The following DNAJB5 variants were observed in gnomAD, a reference collection of about 807,000 sequenced individuals.
DNAJB5 encodes the protein DnaJ heat shock protein family (Hsp40) member B5, also known as dnaJ homolog subfamily B member 5.
DNAJB5 carries 12 observed loss-of-function variants against 32.6 expected under a neutral mutation model. The observed-to-expected ratio is 0.37, with a 90% confidence interval of 0.24 to 0.60. DNAJB5 has a LOEUF of 0.60. DNAJB5 is among the 20% of genes least tolerant of loss of function. DNAJB5 has a pLI of 0.71. For missense variants in DNAJB5, 358 were observed against 554.2 expected, an observed-to-expected ratio of 0.65 and a Z score of 3.55; for synonymous variants, 188 against 212.9, an observed-to-expected ratio of 0.88 and a Z score of 1.02.
chr9:34,991,293 G>T, intron 2 of DNAJB5: 1 of 456,598 alleles, frequency 2.2e-6, no homozygotes, highest in Non-Finnish European at 4.4e-6. Flanking sequence ...CCAACACGTG[G>T]CCTGTGGGTA....
Position 34,997,029 on chromosome 9 carries a change from C to T in DNAJB5, c.1033C>T (p.Leu345=). The change falls in exon 5 of 5, where the codon CTG becomes TTG. Residue 345 remains leucine, a synonymous_variant. Coordinates refer to ENST00000682809, the MANE Select transcript of DNAJB5 (RefSeq NM_001349723.3). This position sits in a 1 kb window ranked among gnomAD's most constrained non-coding sequence, Gnocchi z 4.1. ...CTTTCTGCTTCGTCTTTCCCAGGCGCTGTGTGGCTGCACTGTGAACATTCC... is the reference window on the plus strand; with the variant it reads ...CTTTCTGCTTCGTCTTTCCCAGGCGTTGTGTGGCTGCACTGTGAACATTCC... The part of the protein sequence containing the change: ...YSALISLKEA[L]CGCTVNIPTI... 6.2e-7 allele frequency: 1 copy of T among 1,612,760 alleles called. No homozygotes were observed. Among genetic ancestry groups the T allele is most frequent in the Non-Finnish European group, 8.5e-7 (1 of 1,180,012 alleles).
chr9:34,997,317 T>G lies in DNAJB5; in HGVS notation c.*58T>G. 1 of 1,531,800 alleles carries G rather than the reference T, an allele frequency of 6.5e-7. No homozygotes were observed. The highest frequency in any genetic ancestry group is 9.0e-7 in the Non-Finnish European group (1 of 1,105,858). 94.9% of individuals were successfully genotyped at this position (1,531,800 alleles called of 1,614,324 possible). A position where few individuals can be genotyped will look rare whatever the true frequency, so the allele number is the denominator to read the frequency against. ...GCAATACCCCCAACACTCACTCCAC[T>G]CAATGTGCACCCAGCTTGATGTCCA... On this transcript the variant is annotated 3_prime_UTR_variant, in exon 5 of 5. Coordinates refer to ENST00000682809, the MANE Select transcript of DNAJB5 (RefSeq NM_001349723.3). The surrounding 1 kb of genome is among the most constrained non-coding windows in gnomAD (Gnocchi z 4.1).
rs759870414 is a variant in DNAJB5, at chr9:34,993,163, G to A, written c.183-37G>A. The A allele has an allele frequency of 5.7e-6, 9 of 1,586,310 alleles. No homozygotes were observed. In the African/African-American group the frequency reaches 9.5e-5, roughly 17 times the overall value. On this transcript the variant is annotated intron_variant, in intron 2 of 4. Transcript: ENST00000682809. This position sits in a 1 kb window ranked among gnomAD's most constrained non-coding sequence, Gnocchi z 4.7. ...CATCAGGAACAGGGCTGGGGCAGAA[G>A]AGAAGGCATCAAGTCTTGGCCCTGG...
chr9:34,993,273 G>A lies in DNAJB5; in HGVS notation c.256G>A (p.Gly86Arg). ...TTACAAGATTCTTGGGATCCCATCG[G>A]GGGCCAACGAGGATGAGATCAAGAA... The part of the protein sequence containing the change: ...DYYKILGIPS[G>R]ANEDEIKKAY... Residue 86 changes from glycine (G) to arginine (R), a missense_variant, in exon 3 of 5, where the codon GGG becomes AGG. Around this residue, in one of 2 missense-constraint regions of DNAJB5, gnomAD observed 110 missense variants for 111.7 expected, o/e 0.99. Transcript: ENST00000682809. This position sits in a 1 kb window ranked among gnomAD's most constrained non-coding sequence, Gnocchi z 4.7. 6.2e-7 allele frequency: 1 copy of A among 1,614,126 alleles called. No individual in the cohort carries two copies. The highest frequency in any genetic ancestry group is 8.5e-7 in the Non-Finnish European group (1 of 1,180,016).
chr9:34,996,138 C>T lies in DNAJB5; in HGVS notation c.428-127C>T, dbSNP rs954483399. 7 of 1,278,244 alleles carry T rather than the reference C, an allele frequency of 5.5e-6. No individual in the cohort carries two copies. The highest frequency in any genetic ancestry group is 5.6e-5 in the Admixed American group (2 of 36,018). The allele number at this position is 1,278,244 out of a possible 1,614,324, so 79.2% of individuals were successfully genotyped here. On this transcript the variant is annotated intron_variant, in intron 3 of 4. Coordinates refer to ENST00000682809, the MANE Select transcript of DNAJB5 (RefSeq NM_001349723.3). The surrounding 1 kb of genome is among the most constrained non-coding windows in gnomAD (Gnocchi z 7.2). The stretch of plus-strand genomic sequence containing the variant: ...CCTTTCTTACTCTATTAGCCTGGCC[C>T]TCTCTGTGGGATTTAAAGGTTGCTT...
chr9:34,992,709 G>A (rs1003457510), intron 2 of DNAJB5: 14 of 873,364 alleles, frequency 1.6e-5, no homozygotes, highest in Middle Eastern at 5.9e-4. Flanking sequence ...GACAGCTGGC[G>A]GAAGACCCAG....
At position 34,997,299 on chromosome 9, in the gene DNAJB5, C is replaced by T. The variant is rs1430383682; in HGVS notation, c.*40C>T. 1 of 1,579,308 alleles carries T rather than the reference C, an allele frequency of 6.3e-7. No homozygotes were observed. The highest frequency in any genetic ancestry group is 2.2e-5 in the East Asian group (1 of 44,708). On this transcript the variant is annotated 3_prime_UTR_variant, in exon 5 of 5. Transcript: ENST00000682809. This position sits in a 1 kb window ranked among gnomAD's most constrained non-coding sequence, Gnocchi z 4.1. ...AGTCCAGAGCCTACCACAGCAATAC[C>T]CCCAACACTCACTCCACTCAATGTG... is the stretch of plus-strand genomic sequence containing the variant.
At position 34,997,492 on chromosome 9, in the gene DNAJB5, A is replaced by G. The variant is rs1405159519; in HGVS notation, c.*233A>G. ...TAGCCCAGGCCAGGGGTCAATGTTC[A>G]TGTCACTAGCTTTCAATCCAGTTTC... On this transcript the variant is annotated 3_prime_UTR_variant, in exon 5 of 5. Transcript: ENST00000682809. The surrounding 1 kb of genome is among the most constrained non-coding windows in gnomAD (Gnocchi z 4.1). 5 of 661,336 alleles carry G rather than the reference A, an allele frequency of 7.6e-6. 1 individual carries two copies. In the South Asian group the frequency reaches 7.8e-5, roughly 10 times the overall value. 41.0% of individuals were successfully genotyped at this position (661,336 alleles called of 1,614,324 possible). A position where few individuals can be genotyped will look rare whatever the true frequency, so the allele number is the denominator to read the frequency against.
At position 34,996,873 on chromosome 9, in the gene DNAJB5, C is replaced by A; in HGVS notation, c.1029+7C>A. 2 of 1,599,956 alleles carry A rather than the reference C, an allele frequency of 1.3e-6. No homozygotes were observed. The highest frequency in any genetic ancestry group is 1.7e-6 in the Non-Finnish European group (2 of 1,172,728). On this transcript the variant is annotated splice_region_variant and intron_variant, in intron 4 of 4. Coordinates refer to ENST00000682809, the MANE Select transcript of DNAJB5 (RefSeq NM_001349723.3). This position sits in a 1 kb window ranked among gnomAD's most constrained non-coding sequence, Gnocchi z 7.2. Reference sequence around the variant, plus strand: ...CCTGATCAGCCTCAAGGAGGTGGGGCCTAGTCAGGCTGTGTGTGTGTGCTG... The same window carrying A: ...CCTGATCAGCCTCAAGGAGGTGGGGACTAGTCAGGCTGTGTGTGTGTGCTG...
intron 2 of DNAJB5, chr9:34,991,884 T>A: frequency 5.7e-6 from 1 of 173,922 alleles, no homozygotes; most frequent in Non-Finnish European, 1.2e-5. Context: ...AGGGCCATTG[T>A]CCCTGCCCAC....
Position 34,991,673 on chromosome 9 carries a change from C to CCA in DNAJB5, c.182+862_182+863insAC, listed in dbSNP as rs1554662729. The CCA allele has an allele frequency of 1.6e-4, 39 of 236,752 alleles. 3 individuals carry two copies. The highest frequency in any genetic ancestry group is 9.1e-4 in the Admixed American group (16 of 17,568). 14.7% of individuals were successfully genotyped at this position (236,752 alleles called of 1,614,324 possible). A position where few individuals can be genotyped will look rare whatever the true frequency, so the allele number is the denominator to read the frequency against. On this transcript the variant is annotated intron_variant, in intron 2 of 4. Transcript: ENST00000682809. The stretch of plus-strand genomic sequence containing the variant: ...TGCCATTTCCGAAAACGGTTGCCCC[C>CCA]CCCCCCAACGAGGTGCTCTTTCTTC...
downstream of DNAJB5, chr9:34,998,787 T>G (rs1036789257): frequency 6.6e-6 from 1 of 152,026 alleles, no homozygotes; most frequent in Non-Finnish European, 1.5e-5. Flanking sequence ...GAGAAAATTT[T>G]TTTCTAGGAG....
intron 1 of DNAJB5, 61 bp downstream of exon 1, chr9:34,989,892 C>T (rs1196417159): frequency 8.1e-7 from 1 of 1,238,362 alleles, no homozygotes; most frequent in South Asian, 3.8e-5. Flanking sequence ...AGCCAGGGCT[C>T]CTGGTGTTGG....
rs762294145 is a variant in DNAJB5 at position 34,990,777 on chromosome 9, T to G, written c.147T>G (p.Leu49=). 2.9e-4 allele frequency: 447 copies of G among 1,551,500 alleles called. No individual in the cohort carries two copies. The highest frequency in any genetic ancestry group is 3.5e-4 in the Non-Finnish European group (399 of 1,146,962). ...MFKIQLEPLK[L]RAWTLNGFVK... is the part of the protein sequence containing the mutation. Reference sequence around the variant, plus strand: ...AAATTCAGCTGGAGCCCTTAAAACTTCGAGCGTGGACGCTGAATGGGTTTG... The same window carrying G: ...AAATTCAGCTGGAGCCCTTAAAACTGCGAGCGTGGACGCTGAATGGGTTTG... Residue 49 remains leucine, a synonymous_variant, in exon 2 of 5, where the codon CTT becomes CTG. Transcript: ENST00000682809. This position sits in a 1 kb window ranked among gnomAD's most constrained non-coding sequence, Gnocchi z 4.5.
Position 34,997,967 on chromosome 9 carries a change from G to A in DNAJB5, c.*708G>A, listed in dbSNP as rs1017253772. On this transcript the variant is annotated 3_prime_UTR_variant, in exon 5 of 5. Transcript: ENST00000682809. The surrounding 1 kb of genome is among the most constrained non-coding windows in gnomAD (Gnocchi z 4.1). ...GCTGCTCTCAGGAGTGTTCAAGGGTGGAGGGCAGGGAATGGGGCCTGAGGT... is the reference window on the plus strand; with the variant it reads ...GCTGCTCTCAGGAGTGTTCAAGGGTAGAGGGCAGGGAATGGGGCCTGAGGT... The A allele has an allele frequency of 3.8e-5, 6 of 158,182 alleles. No homozygotes were observed. The highest frequency in any genetic ancestry group is 9.6e-5 in the African/African-American group (4 of 41,478). 9.8% of individuals were successfully genotyped at this position (158,182 alleles called of 1,614,324 possible).
Position 34,993,657 on chromosome 9 carries a change from G to A in DNAJB5, c.427+213G>A, listed in dbSNP as rs980984996. Among the ~76,000 whole-genome samples, 3 of 152,064 alleles carry A rather than the reference G, an allele frequency of 2.0e-5. No homozygotes were observed. The highest frequency in any genetic ancestry group is 2.9e-5 in the Non-Finnish European group (2 of 68,010). ...GCCTCTCTCTGCCCCCTCCCTCCTC[G>A]GGTTCAGGCCTTAGAGAGGTCTGAA... On this transcript the variant is annotated intron_variant, in intron 3 of 4. Coordinates refer to ENST00000682809, the MANE Select transcript of DNAJB5 (RefSeq NM_001349723.3). The surrounding 1 kb of genome is among the most constrained non-coding windows in gnomAD (Gnocchi z 4.7).
chr9:34,990,257 T>C lies in DNAJB5; in HGVS notation c.-132-242T>C. 2.2e-6 allele frequency: 3 copies of C among 1,338,150 alleles called. No homozygotes were observed. Among genetic ancestry groups the C allele is most frequent in the Non-Finnish European group, 2.9e-6 (3 of 1,025,994 alleles). 82.9% of individuals were successfully genotyped at this position (1,338,150 alleles called of 1,614,324 possible). Reference sequence around the variant, plus strand: ...GACTCCCGTCAGTGACTTCATTGAGTAGGTTCTTGGGGATTGGGGTCGGGT... The same window carrying C: ...GACTCCCGTCAGTGACTTCATTGAGCAGGTTCTTGGGGATTGGGGTCGGGT... On this transcript the variant is annotated intron_variant, in intron 1 of 4. Coordinates refer to ENST00000682809, the MANE Select transcript of DNAJB5 (RefSeq NM_001349723.3). This position sits in a 1 kb window ranked among gnomAD's most constrained non-coding sequence, Gnocchi z 4.5.
At position 34,997,227 on chromosome 9, in the gene DNAJB5, C is replaced by G; in HGVS notation, c.1231C>G (p.Gln411Glu). Residue 411 changes from glutamine (Q) to glutamate (E), a missense_variant, in exon 5 of 5, where the codon CAG becomes GAG. Physicochemically the swap from Gln to Glu is conservative, Grantham distance 29. This residue lies in a region of DNAJB5 where 248 missense variants were observed against 442.6 expected (regional missense o/e 0.56). Transcript: ENST00000682809. This position sits in a 1 kb window ranked among gnomAD's most constrained non-coding sequence, Gnocchi z 4.1. ...FPDRLTPQTRQILKQHLPCS is the reference protein window; with the variant it reads ...FPDRLTPQTREILKQHLPCS ...AGACAGATTAACACCACAGACAAGA[C>G]AGATCCTTAAGCAGCACCTACCCTG... 6.2e-7 allele frequency: 1 copy of G among 1,614,212 alleles called. No individual in the cohort carries two copies. The highest frequency in any genetic ancestry group is 8.5e-7 in the Non-Finnish European group (1 of 1,180,034).
At chr9:34,995,709 C>T (rs1051910967) in intron 3 of DNAJB5, among the ~76,000 whole-genome samples, 1 of 152,178 alleles carries the variant, frequency 6.6e-6, no homozygotes, top group Non-Finnish European at 1.5e-5. Context: ...TCCTGATTTC[C>T]CGTTTGAGCA....
Sources: allele counts gnomAD v4.1 joint callset (sites outside exome capture counted in the v4.1 genomes callset), GRCh38; gene constraint gnomAD v4.1.1; regional missense constraint gnomAD v4.1.1; non-coding constraint Gnocchi (gnomAD v3.1); transcripts MANE v1.5; gene names NCBI Gene and HGNC (gene_info 2026-07-23, HGNC 2026-07-21).